Variants in SMOC2 observed in about 807,000 individuals in gnomAD.
SMOC2 encodes the protein SPARC related modular calcium binding 2.
Under a neutral mutation model 61.4 loss-of-function variants are expected in SMOC2, and 39 were observed. The ratio of observed to expected loss-of-function variants is 0.64; its 90% CI spans 0.49 to 0.83. The LOEUF (loss-of-function observed/expected upper bound fraction) is 0.83. SMOC2 is among the 40% of genes least tolerant of loss of function. The pLI is 0.00. For missense variants in SMOC2, 556 were observed against 592.9 expected (o/e 0.94, Z 0.65); for synonymous variants, 247 against 239.9 (o/e 1.03, Z -0.27).
chr6:168,489,510 C>T (rs1583052453), intron 1 of SMOC2, among the ~76,000 whole-genome samples: 1 of 150,618 alleles, frequency 6.6e-6, no homozygotes, highest in African/African-American at 2.5e-5. Context: ...ATCAAATCGT[C>T]TGGGTCCCCT....
chr6:168,653,570 G>A (rs1787254470), intron 11 of SMOC2, among the ~76,000 whole-genome samples: 1 of 152,116 alleles, frequency 6.6e-6, no homozygotes, highest in Admixed American at 6.5e-5. Context: ...AACCAACCCT[G>A]CACCTGAGCT....
chr6:168,611,843 T>C (rs1785877262), intron 9 of SMOC2, among the ~76,000 whole-genome samples: 1 of 152,148 alleles, frequency 6.6e-6, no homozygotes, highest in Non-Finnish European at 1.5e-5. Flanking sequence ...CCACACATCC[T>C]TCAGGACGGC....
rs571119811 is a variant in SMOC2 at position 168,587,427 on chromosome 6, G to T, written c.638-11391G>T. 9.2e-5 allele frequency among the ~76,000 whole-genome samples: 14 copies of T among 152,328 alleles called. No individual in the cohort carries two copies. In the South Asian group the frequency reaches 2.9e-3, roughly 32 times the overall value. ...GCCCAAGGTGGTCGGGGCACAGCTT[G>T]GTTTCATGTGTGAGACATCAATCAG... On this transcript the variant is annotated intron_variant, in intron 7 of 12. Transcript: ENST00000356284.
chr6:168,465,817 C>T (rs1410297907), intron 1 of SMOC2, among the ~76,000 whole-genome samples: 9 of 114,624 alleles, frequency 7.9e-5, no homozygotes, highest in African/African-American at 2.8e-4. Context: ...TGAGGTGCTG[C>T]TCTGAGAGCT....
At chr6:168,565,847 A>G (rs1440539217) in intron 7 of SMOC2, among the ~76,000 whole-genome samples, 2 of 152,194 alleles carry the variant, frequency 1.3e-5, no homozygotes, top group Non-Finnish European at 2.9e-5. Context: ...TCTAGTAAAG[A>G]AAAGGGATAC....
intron 9 of SMOC2, among the ~76,000 whole-genome samples, chr6:168,642,474 C>T (rs1049367100): frequency 6.6e-6 from 1 of 152,202 alleles, no homozygotes. Context: ...TCAGGCTAAG[C>T]TTGATTCCAC....
At chr6:168,489,477 C>G (rs1219837871) in intron 1 of SMOC2, among the ~76,000 whole-genome samples, 2 of 148,958 alleles carry the variant, frequency 1.3e-5, no homozygotes, top group Admixed American at 1.3e-4. Flanking sequence ...CCCCTTGGAT[C>G]ACACTGTTTT....
chr6:168,596,028 GCATGAACAAGCGCCA>G (rs1785324022), intron 7 of SMOC2, among the ~76,000 whole-genome samples: 1 of 127,054 alleles, frequency 7.9e-6, no homozygotes, highest in Non-Finnish European at 1.8e-5. Flanking sequence ...TGCTGGAGAG[GCATGAACAAGCGCCA>G]CGTGAACACG....
chr6:168,549,505 A>T (rs1428240067), intron 7 of SMOC2, among the ~76,000 whole-genome samples: 1 of 152,224 alleles, frequency 6.6e-6, no homozygotes, highest in African/African-American at 2.4e-5. Flanking sequence ...AATCATAAGG[A>T]ATAGAAAATA....
chr6:168,552,009 T>G (rs755140325), intron 7 of SMOC2, among the ~76,000 whole-genome samples: 1 of 152,196 alleles, frequency 6.6e-6, no homozygotes, highest in African/African-American at 2.4e-5. Context: ...CACTATAATT[T>G]GGTTTAAGTC....
intron 8 of SMOC2, among the ~76,000 whole-genome samples, chr6:168,606,968 A>G (rs1785710048): frequency 6.6e-6 from 1 of 152,058 alleles, no homozygotes; most frequent in Admixed American, 6.6e-5. Context: ...GCCATGCAGC[A>G]TGAGGTCAGC....
chr6:168,544,175 G>C lies in SMOC2; in HGVS notation c.511+503G>C, dbSNP rs893000687. On this transcript the variant is annotated intron_variant, in intron 5 of 12. Transcript: ENST00000356284. The surrounding 1 kb of genome is among the most constrained non-coding windows in gnomAD (Gnocchi z 4.1). ...TGTCGCAGCCTGCAGGTCCTGTTTCGGGGTCTGCGGGGTCTGTCACATGCC... is the reference window on the plus strand; with the variant it reads ...TGTCGCAGCCTGCAGGTCCTGTTTCCGGGTCTGCGGGGTCTGTCACATGCC... Among the ~76,000 whole-genome samples the C allele has an allele frequency of 1.3e-5, 2 of 152,028 alleles. No individual in the cohort carries two copies. The highest frequency in any genetic ancestry group is 4.8e-5 in the African/African-American group (2 of 41,396).
intron 1 of SMOC2, among the ~76,000 whole-genome samples, chr6:168,508,937 C>T (rs998624255): frequency 3.3e-5 from 5 of 152,188 alleles, no homozygotes; most frequent in African/African-American, 1.2e-4. Flanking sequence ...AGTCTGGGGA[C>T]CAAAGGCCTC....
At chr6:168,444,790 C>A (rs1282586333) in intron 1 of SMOC2, among the ~76,000 whole-genome samples, 3 of 152,138 alleles carry the variant, frequency 2.0e-5, no homozygotes, top group African/African-American at 7.2e-5. Flanking sequence ...CACAATTACT[C>A]AACTTTATCA....
Position 168,535,541 on chromosome 6 carries a change from C to T in SMOC2, c.463+7814C>T, listed in dbSNP as rs997990741. 3.9e-5 allele frequency among the ~76,000 whole-genome samples: 6 copies of T among 152,108 alleles called. No homozygotes were observed. The highest frequency in any genetic ancestry group is 5.9e-5 in the Non-Finnish European group (4 of 68,030). ...AACATTCCTTTTATCAGATGCACCT[C>T]AAATCAGGAATCCCAACTGTTTAAA... On this transcript the variant is annotated intron_variant, in intron 4 of 12. Transcript: ENST00000356284. The surrounding 1 kb of genome is among the most constrained non-coding windows in gnomAD (Gnocchi z 4.6).
At chr6:168,615,608 C>T (rs1162343982) in intron 9 of SMOC2, among the ~76,000 whole-genome samples, 1 of 110,912 alleles carries the variant, frequency 9.0e-6, no homozygotes, top group Non-Finnish European at 1.9e-5. Context: ...GCACAGGGGG[C>T]CTCTTCACAC....
At chr6:168,529,003 G>A (rs1402905068) in intron 4 of SMOC2, among the ~76,000 whole-genome samples, 1 of 152,154 alleles carries the variant, frequency 6.6e-6, no homozygotes, top group South Asian at 2.1e-4. Flanking sequence ...GGGGATAGGG[G>A]CATCTATTTC....
At chr6:168,597,681 A>T (rs948439983) in intron 7 of SMOC2, among the ~76,000 whole-genome samples, 19 of 152,242 alleles carry the variant, frequency 1.2e-4, no homozygotes, top group African/African-American at 4.6e-4. Flanking sequence ...ATTTGTGGAA[A>T]ATCACTTCCA....
chr6:168,536,332 G>C (rs1176190908), intron 4 of SMOC2, among the ~76,000 whole-genome samples: 2 of 152,090 alleles, frequency 1.3e-5, no homozygotes, highest in South Asian at 2.1e-4. Context: ...GCCTGCTTGG[G>C]GTCCTGGCCT....
Sources: allele counts gnomAD v4.1 joint callset (sites outside exome capture counted in the v4.1 genomes callset), GRCh38; gene constraint gnomAD v4.1.1; non-coding constraint Gnocchi (gnomAD v3.1); transcripts MANE v1.5; gene names NCBI Gene and HGNC (gene_info 2026-07-23, HGNC 2026-07-21).